PALS1: variants seen among roughly 807,000 people sequenced by gnomAD.
PALS1 encodes the protein protein associated with LIN7 1, MAGUK p55 family member, also known as protein PALS1.
Under a neutral mutation model 78.9 loss-of-function variants are expected in PALS1, and 31 were observed. The observed-to-expected ratio is 0.39, with a 90% CI of 0.30 to 0.53. The LOEUF (loss-of-function observed/expected upper bound fraction) is 0.53, where lower values mean the gene tolerates loss of function less well. Among genes scored for constraint, PALS1 ranks in the 20% least tolerant of loss-of-function variants. The pLI, the probability that PALS1 is intolerant of heterozygous loss-of-function variation, is 0.67. For synonymous variants in PALS1, 276 were observed against 270.9 expected, an observed-to-expected ratio of 1.02 and a Z score of -0.18; for missense variants, 704 against 826.5, an observed-to-expected ratio of 0.85 and a Z score of 1.82.
intron 14 of PALS1, among the ~76,000 whole-genome samples, chr14:67,327,345 T>C (rs2085374148): frequency 6.6e-6 from 1 of 151,974 alleles, no homozygotes; most frequent in South Asian, 2.1e-4. Context: ...TGCTAAACTG[T>C]TTTTAGTTTA....
chr14:67,244,381 A>AC, intron 1 of PALS1, among the ~76,000 whole-genome samples: 1 of 152,330 alleles, frequency 6.6e-6, no homozygotes, highest in South Asian at 2.1e-4. Context: ...AGTATGAGTG[A>AC]CAGTGGCTTC....
chr14:67,329,703 A>C (rs968147412), intron 14 of PALS1, among the ~76,000 whole-genome samples: 1 of 152,156 alleles, frequency 6.6e-6, no homozygotes, highest in African/African-American at 2.4e-5. Flanking sequence ...ACATAGTGAA[A>C]TCCTGTCTCT....
At chr14:67,282,027 GAGA>G (rs1166663678) in intron 3 of PALS1, among the ~76,000 whole-genome samples, 1 of 152,066 alleles carries the variant, frequency 6.6e-6, no homozygotes, top group Admixed American at 6.5e-5. Context: ...TCTTGGATAG[GAGA>G]AGATGTATTT....
At chr14:67,324,775 A>G (rs968449479) in intron 14 of PALS1, among the ~76,000 whole-genome samples, 2 of 151,770 alleles carry the variant, frequency 1.3e-5, no homozygotes, top group Admixed American at 6.6e-5. Flanking sequence ...TTATAGAGAC[A>G]GGGTCTCGCT....
At chr14:67,318,069 A>G (rs1595612424) in intron 11 of PALS1, among the ~76,000 whole-genome samples, 4 of 152,080 alleles carry the variant, frequency 2.6e-5, no homozygotes, top group African/African-American at 7.2e-5. Flanking sequence ...TATTAACCCA[A>G]CCTGATTTAC....
intron 1 of PALS1, among the ~76,000 whole-genome samples, chr14:67,248,833 T>C (rs10459529): frequency 0.16 from 23,463 of 150,854 alleles, 3,421 homozygotes; most frequent in East Asian, 0.42. Context: ...TTATTTTATT[T>C]TTTTGAGATA....
At chr14:67,316,237 A>G (rs1400576434) in intron 9 of PALS1, among the ~76,000 whole-genome samples, 1 of 152,188 alleles carries the variant, frequency 6.6e-6, no homozygotes. Flanking sequence ...GAACCTTGAA[A>G]GCCTCCTATA....
At chr14:67,259,485 G>T (rs539911685) in intron 1 of PALS1, among the ~76,000 whole-genome samples, 27 of 152,124 alleles carry the variant, frequency 1.8e-4, no homozygotes, top group Admixed American at 9.2e-4. Flanking sequence ...AGTGTTGGGC[G>T]CCTGTAATCC....
rs760127048 is a variant in PALS1, at chr14:67,326,221, A to AT, written c.1851+2447dup. Among the ~76,000 whole-genome samples the AT allele has an allele frequency of 8.4e-3, 108 of 12,912 alleles. 50 individuals are homozygous for AT. The highest frequency in any genetic ancestry group is 0.013 in the Non-Finnish European group (87 of 6,610). The allele number at this position is 12,912 out of a possible 152,430, so 8.5% of individuals were successfully genotyped here. ...ATCCTAAAATTTCAATTTAGGTCTG[A>AT]TTTTTTTTTTTTTTTTTTTTTTTTT... is the stretch of plus-strand genomic sequence containing the variant. On this transcript the variant is annotated intron_variant, in intron 14 of 14. Transcript: ENST00000261681.
chr14:67,301,257 C>A lies in PALS1; in HGVS notation c.577-132C>A, dbSNP rs928401606. The A allele has an allele frequency of 9.7e-5, 47 of 484,460 alleles. 1 individual carries two copies. The highest frequency in any genetic ancestry group is 1.6e-4 in the Non-Finnish European group (45 of 273,108). The allele number at this position is 484,460 out of a possible 1,614,324, so 30.0% of individuals were successfully genotyped here. ...AACAAGATTGAAAACTCTAATAATT[C>A]TTTTTAGTGATTTTATTTCTTACAA... On this transcript the variant is annotated intron_variant, in intron 4 of 14. Transcript: ENST00000261681.
chr14:67,317,325 GAATA>G (rs1315843931), intron 10 of PALS1, 79 bp from the exon 11 acceptor site: 4 of 1,207,648 alleles, frequency 3.3e-6, no homozygotes, highest in Admixed American at 2.3e-5. Flanking sequence ...ATAAATGAAT[GAATA>G]AATAGAGTTC....
chr14:67,312,289 A>G (rs2085101655), intron 8 of PALS1: 1 of 279,212 alleles, frequency 3.6e-6, no homozygotes, highest in Non-Finnish European at 6.6e-6. Context: ...CACTGATGAA[A>G]AATTGTGGCC....
chr14:67,324,975 G>A (rs1253980750), intron 14 of PALS1, among the ~76,000 whole-genome samples: 2 of 141,880 alleles, frequency 1.4e-5, no homozygotes, highest in Non-Finnish European at 3.0e-5. Context: ...CGCAATCTCG[G>A]CTGACTGCAA....
At chr14:67,329,875 TAAA>T (rs1566586529) in intron 14 of PALS1, among the ~76,000 whole-genome samples, 6,761 of 118,426 alleles carry the variant, frequency 0.057, 312 homozygotes, top group African/African-American at 0.18. Context: ...AATAAATAAA[TAAA>T]TAGATATAGA....
intron 1 of PALS1, among the ~76,000 whole-genome samples, chr14:67,256,823 CAT>C (rs1491474266): frequency 0.013 from 1,952 of 152,024 alleles, 19 homozygotes; most frequent in Non-Finnish European, 0.019. Context: ...CACACACACA[CAT>C]GAAACTGATA....
At chr14:67,273,051 T>C (rs2084434104) in intron 2 of PALS1, among the ~76,000 whole-genome samples, 1 of 151,808 alleles carries the variant, frequency 6.6e-6, no homozygotes, top group Non-Finnish European at 1.5e-5. Context: ...AATAGGTGCT[T>C]TCAGTCTGTT....
In PALS1 at chr14:67,279,551, G is replaced by A. The variant is rs768519041; in HGVS notation, c.367+14G>A. On this transcript the variant is annotated intron_variant, in intron 3 of 14. Transcript: ENST00000261681. ...TGAAAATATTAGGTAAGTAAAAATA[G>A]AGGTATAACAGAAAACATTTTGCTT... 2.0e-6 allele frequency: 3 copies of A among 1,513,602 alleles called. No individual in the cohort carries two copies. In the African/African-American group the frequency reaches 4.2e-5, roughly 21 times the overall value. The allele number at this position is 1,513,602 out of a possible 1,614,324, so 93.8% of individuals were successfully genotyped here.
chr14:67,288,495 T>G (rs1467544358), intron 3 of PALS1, among the ~76,000 whole-genome samples: 1 of 152,204 alleles, frequency 6.6e-6, no homozygotes, highest in Non-Finnish European at 1.5e-5. Flanking sequence ...AGTTATAGAC[T>G]CCATCTTTAC....
intron 11 of PALS1, among the ~76,000 whole-genome samples, chr14:67,319,562 C>T (rs998274851): frequency 2.0e-5 from 3 of 150,536 alleles, no homozygotes; most frequent in African/African-American, 7.4e-5. Context: ...GAAGAATAGT[C>T]TGGGGCCACA....
Sources: allele counts gnomAD v4.1 joint callset (sites outside exome capture counted in the v4.1 genomes callset), GRCh38; gene constraint gnomAD v4.1.1; transcripts MANE v1.5; gene names NCBI Gene and HGNC (gene_info 2026-07-23, HGNC 2026-07-21).